Variants in SEC11A observed in about 807,000 individuals in gnomAD.
The protein encoded by SEC11A is signal peptidase complex catalytic subunit SEC11A.
In SEC11A, 14 loss-of-function variants were observed where a neutral mutation model predicts 25.6. That is an observed-to-expected ratio of 0.55 (90% CI 0.36 to 0.85). The LOEUF is 0.85. Ranked by LOEUF, SEC11A falls within the 40% of genes least tolerant of loss-of-function variation. The probability of loss-of-function intolerance (pLI) is 0.01; values close to 1 mark genes in which losing one functional copy is unlikely to be tolerated. For synonymous variants in SEC11A, 83 were observed against 76.4 expected, an observed-to-expected ratio of 1.09 and a Z score of -0.45; for missense variants, 153 against 222.9, an observed-to-expected ratio of 0.69 and a Z score of 2.00.
intron 4 of SEC11A, among the ~76,000 whole-genome samples, chr15:84,680,372 G>C (rs1458723821): frequency 6.6e-6 from 1 of 151,998 alleles, no homozygotes; most frequent in Non-Finnish European, 1.5e-5. Context: ...GACCCCCAGA[G>C]GCTAGCATAG....
At position 84,711,746 on chromosome 15, in the gene SEC11A, C is replaced by T. The variant is rs918009959; in HGVS notation, c.51+4279G>A. Among the ~76,000 whole-genome samples, 4 of 140,502 alleles carry T rather than the reference C, an allele frequency of 2.8e-5. No individual in the cohort carries two copies. The Admixed American group carries it at 3.0e-4, about 11-fold the overall frequency. The allele number at this position is 140,502 out of a possible 152,430, so 92.2% of individuals were successfully genotyped here. On this transcript the variant is annotated intron_variant, in intron 1 of 5. Transcript: ENST00000268220. ...GAGCCGAGATCACGTCACTGCATTC[C>T]AGCCTGGGTGACAGAATAGAGCGAG...
chr15:84,712,594 C>T (rs1439719720), intron 1 of SEC11A, among the ~76,000 whole-genome samples: 22 of 151,756 alleles, frequency 1.4e-4, no homozygotes, highest in African/African-American at 5.3e-4. Context: ...ATTACAGGTG[C>T]GCACCACCAT....
At chr15:84,694,416 C>T (rs946537274) in intron 1 of SEC11A, among the ~76,000 whole-genome samples, 14 of 151,882 alleles carry the variant, frequency 9.2e-5, no homozygotes, top group African/African-American at 3.4e-4. Context: ...TAATACTAGG[C>T]AATTCTTATT....
chr15:84,691,230 A>G (rs1252655163), intron 2 of SEC11A, among the ~76,000 whole-genome samples: 4 of 151,854 alleles, frequency 2.6e-5, no homozygotes, highest in Non-Finnish European at 4.4e-5. Context: ...CCATGCCACC[A>G]CACCCGCTAA....
rs1280177949 is a variant in SEC11A at position 84,687,717 on chromosome 15, A to G, written c.219T>C (p.Val73=). ...RGDLLFLTNR[V]EDPIRVGEIV... ...TTTCTCCCACTCGTATGGGATCTTC[A>G]ACTCGATTTGTTAGAAAGAGAAGAT... Residue 73 remains valine, a synonymous_variant, in exon 3 of 6, where the codon GTT becomes GTC. Coordinates refer to ENST00000268220, the MANE Select transcript of SEC11A (RefSeq NM_014300.4). The G allele has an allele frequency of 6.2e-7, 1 of 1,603,422 alleles. No homozygotes were observed. Among genetic ancestry groups the G allele is most frequent in the South Asian group, 1.1e-5 (1 of 88,536 alleles).
intron 2 of SEC11A, 21 bp from the exon 3 acceptor site, chr15:84,687,795 T>C: frequency 1.3e-6 from 2 of 1,572,594 alleles, no homozygotes; most frequent in South Asian, 2.4e-5. Context: ...AAGAAGAATA[T>C]AACAGCAAAA....
intron 3 of SEC11A, among the ~76,000 whole-genome samples, chr15:84,684,040 A>G (rs1244286695): frequency 6.6e-6 from 1 of 152,220 alleles, no homozygotes; most frequent in Non-Finnish European, 1.5e-5. Context: ...TACAGATGAG[A>G]AAAAAATAAG....
At chr15:84,684,735 C>T (rs1034199771) in intron 3 of SEC11A, among the ~76,000 whole-genome samples, 1 of 152,156 alleles carries the variant, frequency 6.6e-6, no homozygotes, top group Admixed American at 6.6e-5. Context: ...AGTTCAAGAC[C>T]AGTCTGGCCA....
chr15:84,670,647 T>A, intron 5 of SEC11A, 78 bp downstream of exon 5: 1 of 714,214 alleles, frequency 1.4e-6, no homozygotes, highest in Non-Finnish European at 2.4e-6. Context: ...CCCAGAGTGC[T>A]GGGATTACAG....
chr15:84,706,790 T>C (rs965582024), intron 1 of SEC11A, among the ~76,000 whole-genome samples: 1 of 152,168 alleles, frequency 6.6e-6, no homozygotes, highest in Non-Finnish European at 1.5e-5. Context: ...TTTCCCCAAA[T>C]GCCCTTCCCT....
chr15:84,695,522 C>T (rs938488009), intron 1 of SEC11A, among the ~76,000 whole-genome samples: 3 of 151,780 alleles, frequency 2.0e-5, no homozygotes, highest in African/African-American at 7.3e-5. Context: ...GTCCCAGCTC[C>T]TTGGAGGCTG....
intron 1 of SEC11A, among the ~76,000 whole-genome samples, chr15:84,713,332 T>C (rs1321554473): frequency 6.6e-6 from 1 of 151,962 alleles, no homozygotes; most frequent in Non-Finnish European, 1.5e-5. Context: ...ATATGTAATA[T>C]GTAATTAGGT....
chr15:84,680,030 T>G (rs1897244442), intron 4 of SEC11A: 31 of 1,080,484 alleles, frequency 2.9e-5, no homozygotes, highest in Non-Finnish European at 4.2e-5. Flanking sequence ...ATTTCAAGAC[T>G]AGAAATATTA....
In SEC11A at chr15:84,669,805, T is replaced by C. The variant is rs1221270061; in HGVS notation, c.*214A>G. ...AAGTGTGACAATGACAATTATGAAA[T>C]CCTGTGACTGAAAGTCCCCTCGAGT... is the stretch of plus-strand genomic sequence containing the variant. On this transcript the variant is annotated 3_prime_UTR_variant, in exon 6 of 6. Coordinates refer to ENST00000268220, the MANE Select transcript of SEC11A (RefSeq NM_014300.4). 3 of 600,982 alleles carry C rather than the reference T, an allele frequency of 5.0e-6. No individual in the cohort carries two copies. In the East Asian group the frequency reaches 9.7e-5, roughly 19 times the overall value. 37.2% of individuals were successfully genotyped at this position (600,982 alleles called of 1,614,324 possible).
chr15:84,691,697 A>G, intron 1 of SEC11A, 53 bp from the exon 2 acceptor site: 2 of 970,026 alleles, frequency 2.1e-6, no homozygotes, highest in South Asian at 1.4e-5. Flanking sequence ...CACTTCGGAA[A>G]GCAACTGAAA....
chr15:84,680,944 T>G, intron 3 of SEC11A, 112 bp from the exon 4 acceptor site: 1 of 855,548 alleles, frequency 1.2e-6, no homozygotes, highest in Non-Finnish European at 1.8e-6. Context: ...CTTTTCACCA[T>G]TCTAGTGTCG....
chr15:84,712,698 C>T (rs142851467), intron 1 of SEC11A, among the ~76,000 whole-genome samples: 1,556 of 152,018 alleles, frequency 0.01, 16 homozygotes, highest in Non-Finnish European at 0.017. Context: ...TCCACCTGCT[C>T]GGCCTCCCAA....
intron 1 of SEC11A, among the ~76,000 whole-genome samples, chr15:84,693,450 CT>C (rs1181671237): frequency 3.1e-5 from 3 of 98,176 alleles, no homozygotes; most frequent in Non-Finnish European, 5.6e-5. Context: ...TTCATGTTTT[CT>C]TTTTTTCTCT....
chr15:84,703,298 G>A (rs1412994193), intron 1 of SEC11A, among the ~76,000 whole-genome samples: 1 of 152,178 alleles, frequency 6.6e-6, no homozygotes. Context: ...AATAGGGCAT[G>A]CACAGCAGTA....
Sources: allele counts gnomAD v4.1 joint callset (sites outside exome capture counted in the v4.1 genomes callset), GRCh38; gene constraint gnomAD v4.1.1; transcripts MANE v1.5; gene names NCBI Gene and HGNC (gene_info 2026-07-23, HGNC 2026-07-21).